Variants in NOL4L observed in about 807,000 individuals in gnomAD.
NOL4L encodes the protein nucleolar protein 4-like.
In NOL4L, 7 loss-of-function variants were observed where a neutral mutation model predicts 64.5. That is an observed-to-expected ratio of 0.11 (90% confidence interval 0.06 to 0.20). The LOEUF (loss-of-function observed/expected upper bound fraction) is 0.20, where lower values mean the gene tolerates loss of function less well. NOL4L is among the 10% of genes least tolerant of loss of function. NOL4L has a pLI of 1.00. For missense variants in NOL4L, 680 were observed against 967.1 expected, an observed-to-expected ratio of 0.70 and a Z score of 3.94; for synonymous variants, 413 against 401.0, an observed-to-expected ratio of 1.03 and a Z score of -0.36.
chr20:32,488,795 CTTTCTTTCT>C lies in NOL4L; in HGVS notation c.700-14062_700-14054del, dbSNP rs1456632818. On this transcript the variant is annotated intron_variant, in intron 4 of 10. Coordinates refer to ENST00000621426, the MANE Select transcript of NOL4L (RefSeq NM_001256798.2). Reference sequence around the variant, plus strand: ...CCTTCCTTCCTTCCTTCCTTCCTTTCTTTCTTTCTTTTTCTTTCTTTCTTTCTTTCTTTT... The same window carrying C: ...CCTTCCTTCCTTCCTTCCTTCCTTTCTTTTCTTTCTTTCTTTCTTTCTTTT... 7.2e-4 allele frequency among the ~76,000 whole-genome samples: 34 copies of C among 47,058 alleles called. 1 individual carries two copies. Among genetic ancestry groups the C allele is most frequent in the African/African-American group, 4.3e-3 (31 of 7,282 alleles). The allele number at this position is 47,058 out of a possible 152,430, so 30.9% of individuals were successfully genotyped here.
intron 1 of NOL4L, among the ~76,000 whole-genome samples, chr20:32,541,194 A>G: frequency 6.6e-6 from 1 of 152,176 alleles, no homozygotes. Context: ...TTTAAGGGCC[A>G]AGAGTGAAGA....
In NOL4L at chr20:32,531,289, A is replaced by G. The variant is rs142535659; in HGVS notation, c.322-3376T>C. On this transcript the variant is annotated intron_variant, in intron 1 of 10. Transcript: ENST00000621426. ...AAGAAAGCAATCTGATGAGGAGACA[A>G]TATTTTATGTAGGTGAGATGGAAAT... Among the ~76,000 whole-genome samples, 35 of 152,334 alleles carry G rather than the reference A, an allele frequency of 2.3e-4. No individual in the cohort carries two copies. The South Asian group carries it at 5.4e-3, about 23-fold the overall frequency.
rs796940094 is a variant in NOL4L, at chr20:32,509,843, G to A, written c.699+1504C>T. Reference sequence around the variant, plus strand: ...AACAAAACCAGGGGGCTGTGCTTCCGGCTGTTTGTGCGGTTTTGTGCTTCA... The same window carrying A: ...AACAAAACCAGGGGGCTGTGCTTCCAGCTGTTTGTGCGGTTTTGTGCTTCA... On this transcript the variant is annotated intron_variant, in intron 4 of 10. Transcript: ENST00000621426. 1.3e-5 allele frequency: 17 copies of A among 1,304,212 alleles called. No homozygotes were observed. In the African/African-American group the frequency reaches 1.4e-4, roughly 10 times the overall value. 80.8% of individuals were successfully genotyped at this position (1,304,212 alleles called of 1,614,324 possible).
chr20:32,544,153 T>C (rs2018700189), intron 1 of NOL4L, among the ~76,000 whole-genome samples: 1 of 152,078 alleles, frequency 6.6e-6, no homozygotes, highest in Non-Finnish European at 1.5e-5. Flanking sequence ...TCCCTCTGAC[T>C]GCTCGTGGAA....
At chr20:32,498,407 C>T (rs1282968488) in intron 4 of NOL4L, among the ~76,000 whole-genome samples, 1 of 143,832 alleles carries the variant, frequency 7.0e-6, no homozygotes, top group African/African-American at 2.5e-5. Context: ...TTTCACGCCT[C>T]TCTCTGTTCT....
intron 1 of NOL4L, 45 bp downstream of exon 1, chr20:32,584,525 A>G: frequency 7.8e-7 from 1 of 1,283,346 alleles, no homozygotes; most frequent in Non-Finnish European, 1.0e-6. Flanking sequence ...GCCTGCCCCA[A>G]GCCCCGCGGC....
At chr20:32,559,330 T>C (rs1600874056) in intron 1 of NOL4L, among the ~76,000 whole-genome samples, 2 of 152,286 alleles carry the variant, frequency 1.3e-5, no homozygotes, top group South Asian at 4.1e-4. Flanking sequence ...AGGTCTTGCA[T>C]CCAGGTATCC....
chr20:32,549,313 A>G (rs543270942), intron 1 of NOL4L, among the ~76,000 whole-genome samples: 24 of 152,330 alleles, frequency 1.6e-4, no homozygotes, highest in South Asian at 6.2e-4. Context: ...ATCTGAATAG[A>G]TATTTCTTCA....
At position 32,584,769 on chromosome 20, in the gene NOL4L, GT is replaced by G; in HGVS notation, c.121del (p.Thr41ProfsTer4). The G allele has an allele frequency of 6.5e-7, 1 of 1,544,058 alleles. No homozygotes were observed. The highest frequency in any genetic ancestry group is 8.7e-7 in the Non-Finnish European group (1 of 1,145,414). ...CLRTYGDSAK[T>X]KTVTRSKYQR... The stretch of plus-strand genomic sequence containing the variant: ...GTATTTGCTGCGTGTCACCGTCTTG[GT>G]TTTGGCCGAGTCGCCGTAGGTGCGC... On this transcript the variant is annotated frameshift_variant, in exon 1 of 11. Transcript: ENST00000621426. LOFTEE classifies it high-confidence loss of function.
chr20:32,458,116 C>T (rs1005006767), intron 5 of NOL4L, among the ~76,000 whole-genome samples: 2 of 152,208 alleles, frequency 1.3e-5, no homozygotes, highest in Non-Finnish European at 2.9e-5. Flanking sequence ...AGCGCCCAGG[C>T]CACCCACATC....
intron 3 of NOL4L, among the ~76,000 whole-genome samples, chr20:32,516,509 G>T (rs997755491): frequency 6.6e-6 from 1 of 152,174 alleles, no homozygotes; most frequent in Admixed American, 6.5e-5. Flanking sequence ...GCTCAAGGAA[G>T]CTTCGTAGAG....
At chr20:32,538,201 C>A (rs2018584622) in intron 1 of NOL4L, among the ~76,000 whole-genome samples, 3 of 152,170 alleles carry the variant, frequency 2.0e-5, no homozygotes. Flanking sequence ...CATTCAGGTG[C>A]GAGGCTGGCC....
At chr20:32,569,825 T>C (rs1395741545) in intron 1 of NOL4L, among the ~76,000 whole-genome samples, 1 of 152,042 alleles carries the variant, frequency 6.6e-6, no homozygotes, top group Non-Finnish European at 1.5e-5. Flanking sequence ...TAGCAAAGAG[T>C]AGGTGCTCTG....
chr20:32,581,543 G>A (rs1055606203), intron 1 of NOL4L, among the ~76,000 whole-genome samples: 1 of 152,180 alleles, frequency 6.6e-6, no homozygotes, highest in African/African-American at 2.4e-5. Context: ...GGGAAGAGAG[G>A]TGACACACCA....
intron 5 of NOL4L, among the ~76,000 whole-genome samples, chr20:32,461,095 G>A (rs577387786): frequency 2.0e-5 from 3 of 152,346 alleles, no homozygotes; most frequent in East Asian, 1.9e-4. Flanking sequence ...GGTGCTGCTC[G>A]GGGTGGGGTT....
chr20:32,465,980 CT>C (rs34290597), intron 5 of NOL4L, among the ~76,000 whole-genome samples: 8,128 of 129,054 alleles, frequency 0.063, 710 homozygotes, highest in African/African-American at 0.22. Context: ...CACCTCCATT[CT>C]TTTTTTTTTT....
chr20:32,549,756 A>G (rs988831274), intron 1 of NOL4L, among the ~76,000 whole-genome samples: 1 of 152,166 alleles, frequency 6.6e-6, no homozygotes, highest in Non-Finnish European at 1.5e-5. Flanking sequence ...AGTCTCAAAA[A>G]TAAATAAATA....
At chr20:32,530,740 G>A (rs1208324721) in intron 1 of NOL4L, among the ~76,000 whole-genome samples, 2 of 152,104 alleles carry the variant, frequency 1.3e-5, no homozygotes, top group African/African-American at 4.8e-5. Context: ...TGACCAACAT[G>A]GAGAAACCCC....
At chr20:32,491,390 C>T (rs1161493811) in intron 4 of NOL4L, among the ~76,000 whole-genome samples, 1 of 152,240 alleles carries the variant, frequency 6.6e-6, no homozygotes, top group Non-Finnish European at 1.5e-5. Context: ...ACAAAGACAC[C>T]TTCCACCTCA....
Sources: allele counts gnomAD v4.1 joint callset (sites outside exome capture counted in the v4.1 genomes callset), GRCh38; gene constraint gnomAD v4.1.1; transcripts MANE v1.5; gene names NCBI Gene and HGNC (gene_info 2026-07-23, HGNC 2026-07-21).